The following KATNIP variants were observed in gnomAD, a reference collection of about 807,000 sequenced individuals.
The protein encoded by KATNIP is katanin-interacting protein.
A neutral mutation model predicts 174.0 loss-of-function variants in KATNIP; 126 were observed. That is an observed-to-expected ratio of 0.72 (90% CI 0.63 to 0.84). The LOEUF is 0.84. Among genes scored for constraint, KATNIP ranks in the 40% least tolerant of loss-of-function variants. KATNIP has a pLI of 0.00. For missense variants in KATNIP, 1,958 were observed against 2,109.7 expected (o/e 0.93, Z 1.41); for synonymous variants, 810 against 835.7 (o/e 0.97, Z 0.53).
intron 19 of KATNIP, among the ~76,000 whole-genome samples, chr16:27,762,163 C>T (rs1423733447): frequency 6.6e-6 from 1 of 152,198 alleles, no homozygotes; most frequent in African/African-American, 2.4e-5. Flanking sequence ...GCACTCAGTT[C>T]CCCTGCCCTG....
At position 27,573,919 on chromosome 16, in the gene KATNIP, C is replaced by A. The variant is rs150063976; in HGVS notation, c.26C>A (p.Ala9Asp). The A allele has an allele frequency of 3.7e-5, 59 of 1,614,110 alleles. No individual in the cohort carries two copies. Among genetic ancestry groups the A allele is most frequent in the African/African-American group, 2.8e-4 (21 of 75,028 alleles). The change falls in exon 2 of 28, where the codon GCC becomes GAC. Residue 9 changes from alanine (A) to aspartate (D), a missense_variant. By Grantham distance (126) the Ala-to-Asp change is moderately radical. Coordinates refer to ENST00000261588, the MANE Select transcript of KATNIP (RefSeq NM_015202.5). MDGQTLRK[A>D]ERSWSCSREK... is the part of the protein sequence containing the mutation. The stretch of plus-strand genomic sequence containing the variant: ...GCGACAGGTCAGACTCTGCGAAAGG[C>A]CGAGAGAAGCTGGTCCTGCTCACGA...
chr16:27,701,709 T>C lies in KATNIP; in HGVS notation c.1286+14T>C. The C allele has an allele frequency of 1.3e-6, 2 of 1,570,616 alleles. No homozygotes were observed. The highest frequency in any genetic ancestry group is 1.7e-6 in the Non-Finnish European group (2 of 1,152,866). On this transcript the variant is annotated intron_variant, in intron 11 of 27. Transcript: ENST00000261588. ...TCTGGGAAGCAGGTACTACTAAGGC[T>C]GAGGCCAAACCCGAAACCCCTTAGC...
chr16:27,610,887 G>T (rs964617896), intron 2 of KATNIP, among the ~76,000 whole-genome samples: 9 of 152,164 alleles, frequency 5.9e-5, no homozygotes, highest in Non-Finnish European at 1.2e-4. Flanking sequence ...TCAAAAGAAT[G>T]CAACCATTTG....
chr16:27,684,088 C>T (rs1165450144), intron 8 of KATNIP, among the ~76,000 whole-genome samples: 5 of 152,110 alleles, frequency 3.3e-5, no homozygotes, highest in Non-Finnish European at 7.4e-5. Context: ...ATTCAAGTAA[C>T]AAAATTAAGG....
chr16:27,778,642 G>T lies in KATNIP; in HGVS notation c.*13G>T. On this transcript the variant is annotated 3_prime_UTR_variant, in exon 28 of 28. Coordinates refer to ENST00000261588, the MANE Select transcript of KATNIP (RefSeq NM_015202.5). ...ACGGCGCTGCTGACTGGTGAAGGAG[G>T]GAGAGCTGGTCCTCCCACTATGGTG... The T allele has an allele frequency of 1.2e-6, 2 of 1,613,054 alleles. No homozygotes were observed. Among genetic ancestry groups the T allele is most frequent in the Non-Finnish European group, 1.7e-6 (2 of 1,179,376 alleles).
intron 13 of KATNIP, among the ~76,000 whole-genome samples, chr16:27,711,188 G>C (rs1334703922): frequency 6.6e-6 from 1 of 152,194 alleles, no homozygotes; most frequent in African/African-American, 2.4e-5. Flanking sequence ...GAGCATCCTG[G>C]AATGCTGGCC....
intron 14 of KATNIP, among the ~76,000 whole-genome samples, chr16:27,725,878 T>C (rs747954192): frequency 6.6e-5 from 10 of 152,180 alleles, no homozygotes; most frequent in Non-Finnish European, 1.5e-4. Context: ...ACCCAGGGTA[T>C]ATTTTATATA....
intron 1 of KATNIP, among the ~76,000 whole-genome samples, chr16:27,559,680 CAA>C (rs113480942): frequency 3.3e-4 from 36 of 108,130 alleles, no homozygotes; most frequent in Admixed American, 4.0e-4. Flanking sequence ...GACCCTGTCT[CAA>C]AAAAAAAAAA....
intron 2 of KATNIP, among the ~76,000 whole-genome samples, chr16:27,598,263 G>A (rs971754498): frequency 6.6e-6 from 1 of 151,466 alleles, no homozygotes; most frequent in African/African-American, 2.4e-5. Context: ...AAAAGAATGT[G>A]CATTTGGAGA....
Position 27,749,911 on chromosome 16 carries a change from C to T in KATNIP, c.2951C>T (p.Thr984Ile), listed in dbSNP as rs1309970236. ...GQRLVIDIKS[T>I]WGDRHYVGLN... ...CGCTTGGTCATTGACATCAAGTCTA[C>T]CTGGGGGGACAGACACTATGTCGGC... is the stretch of plus-strand genomic sequence containing the variant. The change falls in exon 16 of 28, where the codon ACC becomes ATC. Residue 984 changes from threonine (T) to isoleucine (I), a missense_variant. Physicochemically the swap from Thr to Ile is moderately conservative, Grantham distance 89 (BLOSUM62 -1). Transcript: ENST00000261588. 1 of 1,614,150 alleles carries T rather than the reference C, an allele frequency of 6.2e-7. No individual in the cohort carries two copies.
chr16:27,738,953 G>A (rs1366026297), intron 14 of KATNIP, among the ~76,000 whole-genome samples: 2 of 152,076 alleles, frequency 1.3e-5, no homozygotes, highest in African/African-American at 2.4e-5. Context: ...CAGTCTTGGA[G>A]AGACATTTGC....
At chr16:27,775,926 A>G (rs2082480538) in intron 24 of KATNIP, among the ~76,000 whole-genome samples, 1 of 152,168 alleles carries the variant, frequency 6.6e-6, no homozygotes, top group South Asian at 2.1e-4. Flanking sequence ...GAGCGTCCTC[A>G]GCTTCCCCTG....
intron 1 of KATNIP, among the ~76,000 whole-genome samples, chr16:27,565,857 T>C (rs1195481927): frequency 6.6e-6 from 1 of 151,790 alleles, no homozygotes; most frequent in Non-Finnish European, 1.5e-5. Context: ...TGCCTAGTTA[T>C]GTACTGAGTT....
At chr16:27,693,635 T>A (rs1172254223) in intron 8 of KATNIP, among the ~76,000 whole-genome samples, 1 of 152,104 alleles carries the variant, frequency 6.6e-6, no homozygotes, top group Non-Finnish European at 1.5e-5. Flanking sequence ...GTGATCCACC[T>A]GCCTCAGCCT....
chr16:27,740,747 G>A lies in KATNIP; in HGVS notation c.2450G>A (p.Ser817Asn). Reference protein sequence around the residue: ...GLRHEPGWGTSRSVNTKERPQ... With the variant: ...GLRHEPGWGTNRSVNTKERPQ... ...CGGCATGAGCCAGGGTGGGGGACCA[G>A]CCGGAGTGTCAACACCAAGGAGAGA... Residue 817 changes from serine (S) to asparagine (N), a missense_variant, in exon 15 of 28, where the codon AGC becomes AAC. Physicochemically the swap from Ser to Asn is conservative, Grantham distance 46. Transcript: ENST00000261588. 1 of 1,614,214 alleles carries A rather than the reference G, an allele frequency of 6.2e-7. No homozygotes were observed. The highest frequency in any genetic ancestry group is 2.2e-5 in the East Asian group (1 of 44,890).
chr16:27,610,326 T>C (rs1366908490), intron 2 of KATNIP, among the ~76,000 whole-genome samples: 1 of 152,118 alleles, frequency 6.6e-6, no homozygotes, highest in East Asian at 1.9e-4. Context: ...CATATGGAGC[T>C]GACGGGTTAG....
At chr16:27,628,941 G>T in intron 4 of KATNIP, 111 bp downstream of exon 4, 2 of 1,136,508 alleles carry the variant, frequency 1.8e-6, no homozygotes, top group East Asian at 4.8e-5. Flanking sequence ...GCTGAGGCGG[G>T]TGGATCACTT....
At chr16:27,628,529 G>A in intron 3 of KATNIP, 132 bp from the exon 4 acceptor site, 1 of 965,882 alleles carries the variant, frequency 1.0e-6, no homozygotes, top group Non-Finnish European at 1.6e-6. Flanking sequence ...TAGACAAACA[G>A]CTGGGCACAC....
intron 21 of KATNIP, among the ~76,000 whole-genome samples, chr16:27,771,163 AG>A (rs2082284318): frequency 6.6e-6 from 1 of 152,050 alleles, no homozygotes; most frequent in Non-Finnish European, 1.5e-5. Flanking sequence ...AAAGACATAG[AG>A]GGGGTTGGTT....
Sources: allele counts gnomAD v4.1 joint callset (sites outside exome capture counted in the v4.1 genomes callset), GRCh38; gene constraint gnomAD v4.1.1; transcripts MANE v1.5; gene names NCBI Gene and HGNC (gene_info 2026-07-23, HGNC 2026-07-21).